The following PLXNA2 variants were observed in gnomAD, a reference collection of about 807,000 sequenced individuals.
The protein encoded by PLXNA2 is plexin A2.
A neutral mutation model predicts 193.5 loss-of-function variants in PLXNA2; 91 were observed. That is an observed-to-expected ratio of 0.47 (90% CI 0.40 to 0.56). The LOEUF is 0.56. Ranked by LOEUF, PLXNA2 falls within the 20% of genes least tolerant of loss-of-function variation. PLXNA2 has a pLI of 0.00. For synonymous variants in PLXNA2, 997 were observed against 1,027.3 expected (o/e 0.97, Z 0.56); for missense variants, 1,995 against 2,503.2 (o/e 0.80, Z 4.33).
At chr1:208,081,870 T>C (rs1263436540) in intron 11 of PLXNA2, among the ~76,000 whole-genome samples, 1 of 152,126 alleles carries the variant, frequency 6.6e-6, no homozygotes, top group East Asian at 1.9e-4. Flanking sequence ...CATGAGTTTA[T>C]AGGACGATGA....
intron 10 of PLXNA2, 52 bp downstream of exon 10, chr1:208,084,328 G>A (rs936010476): frequency 1.8e-5 from 29 of 1,581,452 alleles, no homozygotes; most frequent in African/African-American, 5.4e-5. Context: ...GCCCCAGCAC[G>A]AGTGTGAGAG....
intron 3 of PLXNA2, among the ~76,000 whole-genome samples, chr1:208,186,602 G>T (rs1160046811): frequency 6.6e-6 from 1 of 152,218 alleles, no homozygotes; most frequent in Non-Finnish European, 1.5e-5. Context: ...TAGGCTTGGA[G>T]GCAGGAGGCG....
At chr1:208,189,713 T>C (rs1670117370) in intron 3 of PLXNA2, among the ~76,000 whole-genome samples, 2 of 152,102 alleles carry the variant, frequency 1.3e-5, no homozygotes, top group African/African-American at 4.8e-5. Flanking sequence ...GGCTAACTGA[T>C]TTACCCAATA....
At chr1:208,048,962 C>G (rs935155141) in intron 17 of PLXNA2, among the ~76,000 whole-genome samples, 2 of 152,188 alleles carry the variant, frequency 1.3e-5, no homozygotes, top group Non-Finnish European at 2.9e-5. Context: ...CTGCCCCTTT[C>G]CACACTATCC....
At chr1:208,235,642 G>A (rs1369527054) in intron 1 of PLXNA2, among the ~76,000 whole-genome samples, 1 of 152,212 alleles carries the variant, frequency 6.6e-6, no homozygotes, top group Non-Finnish European at 1.5e-5. Flanking sequence ...TCTTTAGGAA[G>A]TGGGAAGGGC....
At chr1:208,116,034 T>G (rs1170959731) in intron 4 of PLXNA2, among the ~76,000 whole-genome samples, 1 of 152,212 alleles carries the variant, frequency 6.6e-6, no homozygotes, top group Non-Finnish European at 1.5e-5. Context: ...CTGACCCCTT[T>G]GGTCAATGTC....
At chr1:208,070,533 C>A (rs935389324) in intron 12 of PLXNA2, among the ~76,000 whole-genome samples, 2 of 152,226 alleles carry the variant, frequency 1.3e-5, no homozygotes, top group South Asian at 4.1e-4. Flanking sequence ...TCCTTTCTCT[C>A]CTCTGGCTCT....
intron 17 of PLXNA2, 44 bp downstream of exon 17, chr1:208,050,965 G>C: frequency 7.1e-7 from 1 of 1,399,158 alleles, no homozygotes; most frequent in East Asian, 2.3e-5. Flanking sequence ...CATCAACACA[G>C]AGCTGTGTTT....
intron 26 of PLXNA2, among the ~76,000 whole-genome samples, chr1:208,035,003 C>T (rs1664627383): frequency 1.3e-5 from 2 of 151,952 alleles, no homozygotes; most frequent in Admixed American, 1.3e-4. Flanking sequence ...AAATATGTAA[C>T]ATTAATTGAT....
chr1:208,046,088 G>A lies in PLXNA2; in HGVS notation c.3285C>T (p.Leu1095=). The A allele has an allele frequency of 2.5e-6, 4 of 1,614,230 alleles. No individual in the cohort carries two copies. The highest frequency in any genetic ancestry group is 3.4e-6 in the Non-Finnish European group (4 of 1,180,032). Reference sequence around the variant, plus strand: ...TGGTCAGAGAGGGTGCCAGGCAGGTGAGGGTGGTTGTGTTCACAACTTTAC... The same window carrying A: ...TGGTCAGAGAGGGTGCCAGGCAGGTAAGGGTGGTTGTGTTCACAACTTTAC... The part of the protein sequence containing the change: ...NVCKVVNTTT[L]TCLAPSLTTD... The change falls in exon 18 of 32, where the codon CTC becomes CTT. Residue 1095 remains leucine (L), a synonymous_variant. Transcript: ENST00000367033.
At chr1:208,043,751 G>A (rs750563142) in intron 20 of PLXNA2, among the ~76,000 whole-genome samples, 4 of 152,222 alleles carry the variant, frequency 2.6e-5, no homozygotes, top group Non-Finnish European at 5.9e-5. Context: ...CAGCCCTGTT[G>A]CCAGGAGGAA....
At chr1:208,127,656 G>C (rs1297989842) in intron 4 of PLXNA2, among the ~76,000 whole-genome samples, 1 of 152,216 alleles carries the variant, frequency 6.6e-6, no homozygotes, top group Non-Finnish European at 1.5e-5. Context: ...GATGTAGGGA[G>C]TAGAAGAGGA....
chr1:208,195,909 T>C (rs1320441823), intron 3 of PLXNA2, among the ~76,000 whole-genome samples: 6 of 151,868 alleles, frequency 4.0e-5, no homozygotes, highest in African/African-American at 1.2e-4. Context: ...TACCCAACAT[T>C]TTACAGCTTC....
chr1:208,132,418 G>A (rs1025379305), intron 4 of PLXNA2, among the ~76,000 whole-genome samples: 2 of 152,172 alleles, frequency 1.3e-5, no homozygotes, highest in East Asian at 1.9e-4. Flanking sequence ...TCAGAGGTGT[G>A]GGGTGGAGTC....
At chr1:208,051,531 G>T in intron 15 of PLXNA2, 108 bp from the exon 16 acceptor site, 2 of 778,916 alleles carry the variant, frequency 2.6e-6, no homozygotes, top group Non-Finnish European at 4.2e-6. Flanking sequence ...CCACAGAAGT[G>T]TTCTCTCATC....
intron 11 of PLXNA2, among the ~76,000 whole-genome samples, chr1:208,079,735 G>T (rs1040618173): frequency 1.3e-5 from 2 of 152,134 alleles, no homozygotes; most frequent in Non-Finnish European, 2.9e-5. Flanking sequence ...TGTGAGAGAG[G>T]ATTCCACCTC....
At chr1:208,111,518 C>T (rs1325704387) in intron 4 of PLXNA2, among the ~76,000 whole-genome samples, 3 of 152,142 alleles carry the variant, frequency 2.0e-5, no homozygotes, top group Non-Finnish European at 4.4e-5. Flanking sequence ...TTTTCTGTCC[C>T]GGTCTTGCCA....
intron 28 of PLXNA2, chr1:208,032,228 A>G: frequency 2.7e-6 from 2 of 747,440 alleles, no homozygotes; most frequent in Non-Finnish European, 3.3e-6. Flanking sequence ...GACAAGTGGT[A>G]TCTGGAATGT....
chr1:208,034,364 C>T, intron 27 of PLXNA2, 129 bp downstream of exon 27: 1 of 645,854 alleles, frequency 1.5e-6, no homozygotes, highest in Non-Finnish European at 2.8e-6. Context: ...CAGAAACCAA[C>T]TGGCAGGAGC....
Sources: allele counts gnomAD v4.1 joint callset (sites outside exome capture counted in the v4.1 genomes callset), GRCh38; gene constraint gnomAD v4.1.1; transcripts MANE v1.5; gene names NCBI Gene and HGNC (gene_info 2026-07-23, HGNC 2026-07-21).